CTXND2: variants seen among roughly 807,000 people sequenced by gnomAD.
The protein encoded by CTXND2 is cortexin domain containing 2.
chr1:150,896,530 T>C lies in CTXND2; in HGVS notation c.-74+9217T>C, dbSNP rs587711305. ...CTTTCTTTCCTAGTTGAACTTCTCA[T>C]AAATGATTTAAAATCTTAGTGTCTT... is the stretch of plus-strand genomic sequence containing the variant. On this transcript the variant is annotated intron_variant, in intron 1 of 1. Transcript: ENST00000636087. Among the ~76,000 whole-genome samples the C allele has an allele frequency of 7.9e-5, 12 of 152,330 alleles. No homozygotes were observed. In the East Asian group the frequency reaches 2.3e-3, roughly 29 times the overall value.
intron 1 of CTXND2, among the ~76,000 whole-genome samples, chr1:150,910,311 G>C (rs1669229294): frequency 7.0e-6 from 1 of 142,536 alleles, no homozygotes; most frequent in Non-Finnish European, 1.5e-5. Flanking sequence ...TATATTTTTA[G>C]TAGACATGGG....
At chr1:150,894,338 T>C (rs1233115829) in intron 1 of CTXND2, among the ~76,000 whole-genome samples, 2 of 152,166 alleles carry the variant, frequency 1.3e-5, no homozygotes, top group Non-Finnish European at 2.9e-5. Context: ...TGGAAAAATA[T>C]GAATTTGCTA....
At chr1:150,887,572 T>C (rs1201301640) in intron 1 of CTXND2, among the ~76,000 whole-genome samples, 3 of 152,130 alleles carry the variant, frequency 2.0e-5, no homozygotes, top group Admixed American at 6.6e-5. Flanking sequence ...GTTAGAGCTT[T>C]TTACGAAAAG....
chr1:150,891,713 A>G (rs1668853642), intron 1 of CTXND2, among the ~76,000 whole-genome samples: 1 of 152,166 alleles, frequency 6.6e-6, no homozygotes, highest in African/African-American at 2.4e-5. Flanking sequence ...GCTGTTTCTC[A>G]AACATACTAT....
chr1:150,898,963 T>C (rs1668954663), intron 1 of CTXND2, among the ~76,000 whole-genome samples: 2 of 148,324 alleles, frequency 1.3e-5, no homozygotes, highest in Non-Finnish European at 3.0e-5. Context: ...CTGGGCGTGG[T>C]GGCAGGCGCC....
chr1:150,890,267 A>C (rs1668830335), intron 1 of CTXND2, among the ~76,000 whole-genome samples: 1 of 149,766 alleles, frequency 6.7e-6, no homozygotes, highest in South Asian at 2.1e-4. Flanking sequence ...TATGGAAAAG[A>C]TATGTGTTGC....
intron 1 of CTXND2, among the ~76,000 whole-genome samples, chr1:150,898,646 C>T (rs1172456006): frequency 3.3e-5 from 5 of 151,008 alleles, no homozygotes; most frequent in Admixed American, 1.3e-4. Flanking sequence ...GTCCCAGCTA[C>T]TCAGGAAACT....
At chr1:150,890,664 T>C (rs1290842833) in intron 1 of CTXND2, among the ~76,000 whole-genome samples, 1 of 152,046 alleles carries the variant, frequency 6.6e-6, no homozygotes, top group Non-Finnish European at 1.5e-5. Flanking sequence ...CCACCACGCC[T>C]GGCTAATTTT....
rs898205174 is a variant in CTXND2, at chr1:150,889,863, T to A, written c.-74+2550T>A. On this transcript the variant is annotated intron_variant, in intron 1 of 1. Coordinates refer to ENST00000636087, the Ensembl canonical transcript of CTXND2. ...AAATATGCCAGCCCTCCCCAGGCAC[T>A]GAATCCATGCTATGAATGGGACAGA... is the stretch of plus-strand genomic sequence containing the variant. 2.0e-4 allele frequency among the ~76,000 whole-genome samples: 31 copies of A among 152,098 alleles called. 2 individuals carry two copies. The highest frequency in any genetic ancestry group is 2.0e-4 in the Admixed American group (3 of 15,234).
At chr1:150,892,260 T>TA (rs1185655678) in intron 1 of CTXND2, among the ~76,000 whole-genome samples, 1 of 152,198 alleles carries the variant, frequency 6.6e-6, no homozygotes, top group East Asian at 1.9e-4. Flanking sequence ...CTTTTACATA[T>TA]AACTAAATGC....
intron 1 of CTXND2, among the ~76,000 whole-genome samples, chr1:150,894,736 C>T (rs1668891547): frequency 6.6e-6 from 1 of 151,990 alleles, no homozygotes; most frequent in Non-Finnish European, 1.5e-5. Flanking sequence ...CCTCTCTATC[C>T]TTAATAATGC....
At chr1:150,907,212 T>G (rs760830120) in intron 1 of CTXND2, among the ~76,000 whole-genome samples, 2 of 152,210 alleles carry the variant, frequency 1.3e-5, no homozygotes, top group Non-Finnish European at 2.9e-5. Context: ...AATTCAACCA[T>G]TTCAAATGTA....
chr1:150,907,331 CT>C (rs1376490292), intron 1 of CTXND2, among the ~76,000 whole-genome samples: 1 of 152,206 alleles, frequency 6.6e-6, no homozygotes, highest in East Asian at 1.9e-4. Context: ...CTTTCACCCC[CT>C]CATCCCCCAC....
chr1:150,891,335 TC>T (rs1668847355), intron 1 of CTXND2, among the ~76,000 whole-genome samples: 1 of 152,072 alleles, frequency 6.6e-6, no homozygotes, highest in Non-Finnish European at 1.5e-5. Context: ...TGCCTCAGCC[TC>T]CCGAGTAGCT....
At chr1:150,902,330 C>A (rs1008712692) in intron 1 of CTXND2, among the ~76,000 whole-genome samples, 1 of 151,906 alleles carries the variant, frequency 6.6e-6, no homozygotes. Context: ...TGGCATGAAC[C>A]CGGGAGGCGG....
intron 1 of CTXND2, among the ~76,000 whole-genome samples, chr1:150,887,535 C>T (rs1252352105): frequency 2.6e-5 from 4 of 151,994 alleles, no homozygotes; most frequent in Admixed American, 2.6e-4. Context: ...TCAAGCAACC[C>T]GTCTGTCTCA....
rs1050569880 is a variant in CTXND2 at position 150,906,665 on chromosome 1, G to A, written c.-73-5577G>A. On this transcript the variant is annotated intron_variant, in intron 1 of 1. Transcript: ENST00000636087. The stretch of plus-strand genomic sequence containing the variant: ...TGGAAGGCCCACTGGAATAATCTGT[G>A]CTGGCAGGGTTTATAGGTACCTTGG... Among the ~76,000 whole-genome samples, 10 of 152,172 alleles carry A rather than the reference G, an allele frequency of 6.6e-5. No homozygotes were observed. In the South Asian group the frequency reaches 1.0e-3, roughly 16 times the overall value.
At chr1:150,894,330 G>A (rs1457304110) in intron 1 of CTXND2, among the ~76,000 whole-genome samples, 1 of 152,040 alleles carries the variant, frequency 6.6e-6, no homozygotes, top group East Asian at 1.9e-4. Flanking sequence ...GACTACAATG[G>A]AAAAATATGA....
intron 1 of CTXND2, among the ~76,000 whole-genome samples, chr1:150,889,232 A>AC (rs1317519634): frequency 2.0e-5 from 3 of 151,636 alleles, no homozygotes; most frequent in African/African-American, 4.8e-5. Flanking sequence ...ACAGGATGAG[A>AC]CCCCGTCTCT....
Sources: allele counts gnomAD v4.1 joint callset (sites outside exome capture counted in the v4.1 genomes callset), GRCh38; gene constraint gnomAD v4.1.1; transcripts MANE v1.5; gene names NCBI Gene and HGNC (gene_info 2026-07-23, HGNC 2026-07-21).